Variants in ITGB8 observed in about 807,000 individuals in gnomAD.
The protein encoded by ITGB8 is integrin beta-8.
Under a neutral mutation model 89.5 loss-of-function variants are expected in ITGB8, and 30 were observed. The ratio of observed to expected loss-of-function variants is 0.34; its 90% CI spans 0.25 to 0.45. The LOEUF is 0.45. Ranked by LOEUF, ITGB8 falls within the 20% of genes least tolerant of loss-of-function variation. The pLI, the probability that ITGB8 is intolerant of heterozygous loss-of-function variation, is 1.00. For missense variants in ITGB8, 836 were observed against 933.3 expected, an observed-to-expected ratio of 0.90 and a Z score of 1.36; for synonymous variants, 335 against 320.4, an observed-to-expected ratio of 1.05 and a Z score of -0.49.
intron 10 of ITGB8, among the ~76,000 whole-genome samples, chr7:20,402,728 C>T (rs1022134114): frequency 9.2e-5 from 14 of 152,112 alleles, no homozygotes; most frequent in Admixed American, 7.2e-4. Context: ...CTAAAAGATT[C>T]GTCCTTGAGG....
At chr7:20,359,446 T>C (rs1409136254) in intron 1 of ITGB8, among the ~76,000 whole-genome samples, 1 of 152,212 alleles carries the variant, frequency 6.6e-6, no homozygotes, top group Non-Finnish European at 1.5e-5. Flanking sequence ...CAACCTCTAA[T>C]GAGGTGTCAG....
At chr7:20,403,420 T>C (rs1003166553) in intron 10 of ITGB8, among the ~76,000 whole-genome samples, 1 of 152,244 alleles carries the variant, frequency 6.6e-6, no homozygotes, top group African/African-American at 2.4e-5. Context: ...CTTTTCTATA[T>C]GAGTATGATA....
At chr7:20,361,307 T>G (rs1445509912) in intron 1 of ITGB8, among the ~76,000 whole-genome samples, 1 of 152,196 alleles carries the variant, frequency 6.6e-6, no homozygotes, top group Non-Finnish European at 1.5e-5. Context: ...GGCTACAAGT[T>G]GGCGAAAGTC....
intron 7 of ITGB8, among the ~76,000 whole-genome samples, chr7:20,393,260 T>A (rs1208328903): frequency 1.3e-5 from 2 of 152,162 alleles, no homozygotes; most frequent in Admixed American, 6.5e-5. Flanking sequence ...CCTTTAAAAA[T>A]TTGCCATTAA....
Position 20,380,280 on chromosome 7 carries a change from A to G in ITGB8, c.636-386A>G, listed in dbSNP as rs548388621. ...TAAAAAAAACTAATATCATATTTCA[A>G]CTAAATTCCTCAAAAGCATTTTCCA... On this transcript the variant is annotated intron_variant, in intron 4 of 13. Coordinates refer to ENST00000222573, the MANE Select transcript of ITGB8 (RefSeq NM_002214.3). 8 of 160,326 alleles carry G rather than the reference A, an allele frequency of 5.0e-5. No individual in the cohort carries two copies. The South Asian group carries it at 1.5e-3, about 29-fold the overall frequency. 9.9% of individuals were successfully genotyped at this position (160,326 alleles called of 1,614,324 possible).
At chr7:20,350,737 C>A (rs1223299440) in intron 1 of ITGB8, among the ~76,000 whole-genome samples, 2 of 152,192 alleles carry the variant, frequency 1.3e-5, no homozygotes, top group Admixed American at 6.5e-5. Flanking sequence ...GTTGCCTTCT[C>A]CCCTGTTCCA....
chr7:20,397,309 C>G (rs887703178), intron 8 of ITGB8, among the ~76,000 whole-genome samples: 40 of 151,980 alleles, frequency 2.6e-4, no homozygotes, highest in Admixed American at 1.8e-3. Context: ...TCACTGCAAC[C>G]TCCACCTCCC....
In ITGB8 at chr7:20,415,669, C is replaced by T. The variant is rs1308104205; in HGVS notation, c.*5672C>T. ...AGAGCTTATAACAGTTAGGACAAGG[C>T]ATTTAATTAATGCATCATTCTGTTT... is the stretch of plus-strand genomic sequence containing the variant. On this transcript the variant is annotated 3_prime_UTR_variant, in exon 14 of 14. Transcript: ENST00000222573. 6.6e-6 allele frequency: 1 copy of T among 152,512 alleles called. No homozygotes were observed. The highest frequency in any genetic ancestry group is 6.6e-5 in the Admixed American group (1 of 15,266). The allele number at this position is 152,512 out of a possible 1,614,324, so 9.4% of individuals were successfully genotyped here.
intron 1 of ITGB8, among the ~76,000 whole-genome samples, chr7:20,347,746 G>C (rs1015229587): frequency 3.3e-5 from 5 of 152,210 alleles, no homozygotes; most frequent in Admixed American, 6.5e-5. Context: ...GCTTGGGTGA[G>C]AGTTTGGAAC....
At chr7:20,382,820 C>G (rs1365985262) in intron 6 of ITGB8, among the ~76,000 whole-genome samples, 1 of 152,144 alleles carries the variant, frequency 6.6e-6, no homozygotes, top group African/African-American at 2.4e-5. Context: ...ATTTTCAAAT[C>G]CTGAAATCAG....
chr7:20,357,069 AT>A (rs1253701977), intron 1 of ITGB8, among the ~76,000 whole-genome samples: 1 of 152,164 alleles, frequency 6.6e-6, no homozygotes, highest in Non-Finnish European at 1.5e-5. Context: ...TTTATGACAG[AT>A]AGCTATAGGG....
Position 20,401,801 on chromosome 7 carries a change from T to A in ITGB8, c.1362T>A (p.Gly454=). 1 of 1,612,416 alleles carries A rather than the reference T, an allele frequency of 6.2e-7. No homozygotes were observed. Among genetic ancestry groups the A allele is most frequent in the South Asian group, 1.1e-5 (1 of 90,438 alleles). ...ACTATGCAATAATCAAACCTATTGG[T>A]TTTAATGAAACCGCTAAAATTCATA... is the stretch of plus-strand genomic sequence containing the variant. ...GKNYAIIKPI[G]FNETAKIHIH... Residue 454 remains glycine (G), a synonymous_variant, in exon 10 of 14, where the codon GGT becomes GGA. Transcript: ENST00000222573.
In ITGB8 at chr7:20,331,483, T is replaced by C. The variant is rs1784389929; in HGVS notation, c.-324T>C. 1 of 417,444 alleles carries C rather than the reference T, an allele frequency of 2.4e-6. No homozygotes were observed. Among genetic ancestry groups the C allele is most frequent in the Non-Finnish European group, 4.2e-6 (1 of 239,382 alleles). 25.9% of individuals were successfully genotyped at this position (417,444 alleles called of 1,614,324 possible). A position where few individuals can be genotyped will look rare whatever the true frequency, so the allele number is the denominator to read the frequency against. ...GGAGAGAAACAAAAGCTCTTTTCTT[T>C]GTCCCGGAGCAGGCTGCGGAGCCCT... On this transcript the variant is annotated 5_prime_UTR_variant, in exon 1 of 14. Transcript: ENST00000222573.
At chr7:20,336,219 A>T (rs866117262) in intron 1 of ITGB8, among the ~76,000 whole-genome samples, 67 of 151,916 alleles carry the variant, frequency 4.4e-4, no homozygotes, top group African/African-American at 1.5e-3. Flanking sequence ...GTTAGCCAGG[A>T]TCGTCTTGAT....
chr7:20,373,082 C>T (rs985220036), intron 3 of ITGB8, among the ~76,000 whole-genome samples: 2 of 152,098 alleles, frequency 1.3e-5, no homozygotes, highest in Non-Finnish European at 2.9e-5. Flanking sequence ...TGATTTATCA[C>T]TTTATTCTTC....
chr7:20,368,402 C>A (rs568449089), intron 3 of ITGB8, among the ~76,000 whole-genome samples: 1 of 152,172 alleles, frequency 6.6e-6, no homozygotes, highest in African/African-American at 2.4e-5. Context: ...AATACATCCA[C>A]TAAACTCTGC....
intron 3 of ITGB8, among the ~76,000 whole-genome samples, chr7:20,378,318 C>A (rs1203458189): frequency 6.6e-6 from 1 of 152,192 alleles, no homozygotes; most frequent in Non-Finnish European, 1.5e-5. Context: ...CATGGGCCCC[C>A]TCCTCAGCAT....
chr7:20,382,903 C>T (rs577935752), intron 6 of ITGB8, among the ~76,000 whole-genome samples: 1 of 152,292 alleles, frequency 6.6e-6, no homozygotes, highest in African/African-American at 2.4e-5. Flanking sequence ...AGATTAATGT[C>T]ATTTAAAAGA....
chr7:20,398,170 T>G (rs1360594479), intron 8 of ITGB8, among the ~76,000 whole-genome samples: 1 of 152,194 alleles, frequency 6.6e-6, no homozygotes, highest in African/African-American at 2.4e-5. Flanking sequence ...GGTGAATAAA[T>G]GAATGAATGG....
Sources: allele counts gnomAD v4.1 joint callset (sites outside exome capture counted in the v4.1 genomes callset), GRCh38; gene constraint gnomAD v4.1.1; transcripts MANE v1.5; gene names NCBI Gene and HGNC (gene_info 2026-07-23, HGNC 2026-07-21).